The following PICALM variants were observed in gnomAD, a reference collection of about 807,000 sequenced individuals.
PICALM encodes the protein phosphatidylinositol-binding clathrin assembly protein.
PICALM carries 40 observed loss-of-function variants against 80.5 expected under a neutral mutation model. The ratio of observed to expected loss-of-function variants is 0.50; its 90% CI spans 0.39 to 0.65. The LOEUF is 0.65. Among genes scored for constraint, PICALM ranks in the 30% least tolerant of loss-of-function variants. The pLI is 0.00. For synonymous variants in PICALM, 288 were observed against 260.3 expected (o/e 1.11, Z -1.02); for missense variants, 676 against 778.9 (o/e 0.87, Z 1.57).
intron 8 of PICALM, among the ~76,000 whole-genome samples, chr11:86,007,204 C>G (rs2095296453): frequency 6.6e-6 from 1 of 152,180 alleles, no homozygotes; most frequent in South Asian, 2.1e-4. Flanking sequence ...TCTCTACCAG[C>G]ATTATAGTGA....
chr11:86,035,340 G>A (rs1304218473), intron 1 of PICALM, among the ~76,000 whole-genome samples: 2 of 152,088 alleles, frequency 1.3e-5, no homozygotes, highest in African/African-American at 2.4e-5. Context: ...CAGCAAGTCA[G>A]GCAACCCAGC....
At position 86,012,223 on chromosome 11, in the gene PICALM, T is replaced by C. The variant is rs568163854; in HGVS notation, c.658+58A>G. On this transcript the variant is annotated intron_variant, in intron 6 of 19. Transcript: ENST00000393346. The stretch of plus-strand genomic sequence containing the variant: ...CAGCTTTAAGTAACAACTCAGTCAA[T>C]ATTGTTTATCCATATGACACAAGAT... The C allele has an allele frequency of 4.5e-5, 40 of 895,324 alleles. 1 individual carries two copies. The Middle Eastern group carries it at 1.5e-3, about 34-fold the overall frequency. 55.5% of individuals were successfully genotyped at this position (895,324 alleles called of 1,614,324 possible). A position where few individuals can be genotyped will look rare whatever the true frequency, so the allele number is the denominator to read the frequency against.
intron 19 of PICALM, among the ~76,000 whole-genome samples, chr11:85,963,123 T>C (rs1592279502): frequency 6.6e-6 from 1 of 152,320 alleles, no homozygotes; most frequent in East Asian, 1.9e-4. Context: ...GAACATGATG[T>C]AGGGTTGCTA....
Position 86,006,729 on chromosome 11 carries a change from G to C in PICALM, c.807+813C>G, listed in dbSNP as rs1028967646. On this transcript the variant is annotated intron_variant, in intron 8 of 19. Transcript: ENST00000393346. ...ATGTCAACAAATGAGAGAGTTGATG[G>C]AAATGTTACAAGGATAGCTTATGCC... is the stretch of plus-strand genomic sequence containing the variant. Among the ~76,000 whole-genome samples the C allele has an allele frequency of 3.2e-4, 49 of 152,130 alleles. 1 individual carries two copies. Among genetic ancestry groups the C allele is most frequent in the Non-Finnish European group, 4.4e-5 (3 of 68,016 alleles).
intron 11 of PICALM, among the ~76,000 whole-genome samples, chr11:86,000,056 A>T (rs2095095981): frequency 6.6e-6 from 1 of 152,250 alleles, no homozygotes; most frequent in Admixed American, 6.5e-5. Flanking sequence ...TTTTAAAACT[A>T]CTTTAAGCCA....
chr11:86,023,938 A>G (rs532462645), intron 3 of PICALM, among the ~76,000 whole-genome samples: 2 of 152,256 alleles, frequency 1.3e-5, no homozygotes, highest in Non-Finnish European at 2.9e-5. Context: ...AACCTGGTCA[A>G]CAGAGCAAGA....
chr11:86,039,347 T>C (rs968154950), intron 1 of PICALM, among the ~76,000 whole-genome samples: 1 of 151,928 alleles, frequency 6.6e-6, no homozygotes, highest in Non-Finnish European at 1.5e-5. Context: ...ACTATAATCA[T>C]GCCTGTGAAC....
intron 2 of PICALM, among the ~76,000 whole-genome samples, chr11:86,029,525 T>A (rs2095711880): frequency 6.6e-6 from 1 of 152,184 alleles, no homozygotes; most frequent in Admixed American, 6.5e-5. Flanking sequence ...ATGCTATCTT[T>A]CTCCCCTTGT....
At chr11:86,032,625 C>A (rs1356143017) in intron 1 of PICALM, among the ~76,000 whole-genome samples, 1 of 151,256 alleles carries the variant, frequency 6.6e-6, no homozygotes, top group Non-Finnish European at 1.5e-5. Flanking sequence ...GACTCTGCCT[C>A]AATAAAAAAT....
chr11:86,003,011 C>T (rs901124469), intron 9 of PICALM, among the ~76,000 whole-genome samples: 3 of 150,416 alleles, frequency 2.0e-5, no homozygotes, highest in South Asian at 2.1e-4. Context: ...GACTCTGCCT[C>T]GGGGGAAGAA....
chr11:86,000,730 G>T lies in PICALM; in HGVS notation c.1067C>A (p.Thr356Asn). Residue 356 changes from threonine to asparagine, a missense_variant, in exon 11 of 20, where the codon ACT becomes AAT. Thr to Asn is a moderately conservative substitution (Grantham distance 65, BLOSUM62 0). Around this residue, in one of 2 missense-constraint regions of PICALM, gnomAD observed 391 missense variants for 383.6 expected, o/e 1.02. Coordinates refer to ENST00000393346, the MANE Select transcript of PICALM (RefSeq NM_007166.4). The part of the protein sequence containing the change: ...LAKKPHTSLT[T>N]AASPVSTSAG... ...TGAGGTGGATACAGGAGAGGCTGCA[G>T]TTGTTAAAGAGGTATGAGGTTTCTT... 1 of 1,612,890 alleles carries T rather than the reference G, an allele frequency of 6.2e-7. No homozygotes were observed. The highest frequency in any genetic ancestry group is 8.5e-7 in the Non-Finnish European group (1 of 1,179,696).
Position 85,990,697 on chromosome 11 carries a change from C to A in PICALM, c.1259-298G>T, listed in dbSNP as rs549254307. ...GATGTTTCTATAAAGAGCCACCCAT[C>A]TTGCACCAATCTTCCCTGTCCTAGG... On this transcript the variant is annotated intron_variant, in intron 12 of 19. Coordinates refer to ENST00000393346, the MANE Select transcript of PICALM (RefSeq NM_007166.4). 4.0e-3 allele frequency among the ~76,000 whole-genome samples: 614 copies of A among 152,208 alleles called. 2 individuals are homozygous for A. Among genetic ancestry groups the A allele is most frequent in the Non-Finnish European group, 7.2e-3 (489 of 67,998 alleles).
chr11:86,016,727 A>G (rs931122184), intron 4 of PICALM, among the ~76,000 whole-genome samples: 4 of 152,170 alleles, frequency 2.6e-5, no homozygotes, highest in African/African-American at 9.7e-5. Flanking sequence ...TGAATACTCA[A>G]CATTGCCAGC....
intron 4 of PICALM, among the ~76,000 whole-genome samples, 183 bp downstream of exon 4, chr11:86,022,184 G>T (rs1219623311): frequency 6.6e-6 from 1 of 151,924 alleles, no homozygotes; most frequent in Non-Finnish European, 1.5e-5. Context: ...CTCAATAAAG[G>T]TGCTATAAAA....
chr11:86,014,566 C>T (rs1023090345), intron 5 of PICALM, among the ~76,000 whole-genome samples: 1 of 152,014 alleles, frequency 6.6e-6, no homozygotes, highest in African/African-American at 2.4e-5. Flanking sequence ...AAAAAATATC[C>T]CTGTACATTT....
chr11:86,002,430 GAATAACTC>G (rs2095169379), intron 9 of PICALM, among the ~76,000 whole-genome samples: 1 of 152,110 alleles, frequency 6.6e-6, no homozygotes, highest in Non-Finnish European at 1.5e-5. Flanking sequence ...GAAAACATGA[GAATAACTC>G]AAGTAATTTC....
At chr11:86,061,563 C>A (rs1026875773) in intron 1 of PICALM, among the ~76,000 whole-genome samples, 2 of 152,122 alleles carry the variant, frequency 1.3e-5, no homozygotes, top group Non-Finnish European at 2.9e-5. Flanking sequence ...TACCACTACA[C>A]ACCTATTAGA....
upstream of PICALM, chr11:86,069,621 C>G (rs947683506): frequency 6.6e-6 from 1 of 152,324 alleles, no homozygotes; most frequent in South Asian, 2.1e-4. Flanking sequence ...AAGCCGCCCT[C>G]CTGGCTTAAA....
intron 8 of PICALM, among the ~76,000 whole-genome samples, chr11:86,004,319 A>C (rs1169180317): frequency 6.6e-6 from 1 of 152,194 alleles, no homozygotes; most frequent in Non-Finnish European, 1.5e-5. Context: ...GCAAAAGTAA[A>C]TACTTGTATG....
Sources: gnomAD v4.1 joint callset for allele counts (sites outside exome capture counted in the v4.1 genomes callset) on GRCh38, gnomAD v4.1.1 for gene constraint, gnomAD v4.1.1 regional missense constraint, MANE v1.5 for transcripts, NCBI Gene and HGNC (gene_info 2026-07-23, HGNC 2026-07-21) for gene names.